Variants in ZPLD1 observed in about 807,000 individuals in gnomAD.
ZPLD1 encodes zona pellucida like domain containing 1, also known as zona pellucida-like domain-containing protein 1.
ZPLD1 carries 34 observed loss-of-function variants against 47.2 expected under a neutral mutation model. The ratio of observed to expected loss-of-function variants is 0.72; its 90% confidence interval spans 0.55 to 0.96. The LOEUF is 0.96. ZPLD1 is among the 40% of genes least tolerant of loss of function. ZPLD1 has a pLI of 0.00. For synonymous variants in ZPLD1, 176 were observed against 186.2 expected (o/e 0.95, Z 0.45); for missense variants, 512 against 505.8 (o/e 1.01, Z -0.12).
At chr3:102,473,030 G>A (rs1204897476) in intron 10 of ZPLD1, among the ~76,000 whole-genome samples, 1 of 152,118 alleles carries the variant, frequency 6.6e-6, no homozygotes, top group South Asian at 2.1e-4. Flanking sequence ...GCAGGCAAGA[G>A]GGCATGTGCA....
rs150520546 is a variant in ZPLD1 at position 102,411,398 on chromosome 3, T to G, written c.-156-6662T>G. ...GTAAGCTGGGTAGGAATAAACTGTATTACTAAATTTGAGCTTTATAATTTT... is the reference window on the plus strand; with the variant it reads ...GTAAGCTGGGTAGGAATAAACTGTAGTACTAAATTTGAGCTTTATAATTTT... On this transcript the variant is annotated intron_variant, in intron 7 of 17. Coordinates refer to the ZPLD1 transcript ENST00000491959. Among the ~76,000 whole-genome samples the G allele has an allele frequency of 5.0e-3, 767 of 151,944 alleles. 9 individuals carry two copies. The highest frequency in any genetic ancestry group is 0.018 in the African/African-American group (735 of 41,522).
intron 6 of ZPLD1, among the ~76,000 whole-genome samples, chr3:102,388,098 G>A (rs1212453841): frequency 1.3e-5 from 2 of 151,966 alleles, no homozygotes; most frequent in African/African-American, 4.8e-5. Flanking sequence ...CTGACCTCGT[G>A]ATCCGCCCGC....
chr3:102,479,012 G>A lies in ZPLD1; in HGVS notation c.*1394G>A, dbSNP rs767794976. The A allele has an allele frequency of 6.6e-5, 10 of 152,138 alleles. No homozygotes were observed. The highest frequency in any genetic ancestry group is 2.4e-4 in the African/African-American group (10 of 41,432). The allele number at this position is 152,138 out of a possible 1,614,324, so 9.4% of individuals were successfully genotyped here. A position where few individuals can be genotyped will look rare whatever the true frequency, so the allele number is the denominator to read the frequency against. On this transcript the variant is annotated 3_prime_UTR_variant, in exon 12 of 12. Transcript: ENST00000466937. ...GCTTCAAAGGAAATGTCTACAATGT[G>A]AGTTAATAATTAAATCAATCCTCAA...
chr3:102,459,434 A>C (rs970163564), intron 6 of ZPLD1, among the ~76,000 whole-genome samples: 1 of 152,194 alleles, frequency 6.6e-6, no homozygotes, highest in African/African-American at 2.4e-5. Context: ...TCTCACTGAA[A>C]TAGCAGAAAA....
chr3:102,426,317 A>T (rs748647342), intron 8 of ZPLD1, among the ~76,000 whole-genome samples: 27 of 152,186 alleles, frequency 1.8e-4, no homozygotes, highest in Non-Finnish European at 3.2e-4. Flanking sequence ...CAGTAGTTTG[A>T]GACCAGCCTG....
chr3:102,462,215 G>T, intron 6 of ZPLD1, 66 bp from the exon 7 acceptor site: 1 of 976,754 alleles, frequency 1.0e-6, no homozygotes, highest in Non-Finnish European at 1.6e-6. Context: ...TAATATTGTT[G>T]TTTTAAGTAG....
chr3:102,450,204 T>C (rs1425977234), intron 3 of ZPLD1, among the ~76,000 whole-genome samples: 1 of 152,152 alleles, frequency 6.6e-6, no homozygotes, highest in Admixed American at 6.5e-5. Context: ...CACTGATACA[T>C]GTACTTTGTG....
intron 3 of ZPLD1, among the ~76,000 whole-genome samples, chr3:102,444,726 A>G (rs530919080): frequency 5.9e-5 from 9 of 152,330 alleles, no homozygotes; most frequent in Admixed American, 2.6e-4. Flanking sequence ...GAGATTTTCT[A>G]CCATGCCACA....
At chr3:102,426,066 G>T (rs1285306602) in intron 8 of ZPLD1, among the ~76,000 whole-genome samples, 1 of 150,828 alleles carries the variant, frequency 6.6e-6, no homozygotes, top group Non-Finnish European at 1.5e-5. Flanking sequence ...TACAAACATT[G>T]AAATAGTATA....
At chr3:102,422,057 A>T (rs1706886033) in intron 8 of ZPLD1, among the ~76,000 whole-genome samples, 1 of 152,078 alleles carries the variant, frequency 6.6e-6, no homozygotes, top group African/African-American at 2.4e-5. Flanking sequence ...GTAAAGCATT[A>T]TCTTGAGGAC....
chr3:102,432,551 A>G (rs1313598147), upstream of ZPLD1, among the ~76,000 whole-genome samples: 2 of 152,212 alleles, frequency 1.3e-5, no homozygotes, highest in Admixed American at 1.3e-4. Flanking sequence ...AGTTTGATAA[A>G]TTGTTGAGGT....
chr3:102,418,072 G>GAGC (rs1706830737), exon 8 of ZPLD1: 1 of 151,792 alleles, frequency 6.6e-6, no homozygotes. Context: ...ATTTCAAAAA[G>GAGC]AGCAGCTCTT....
chr3:102,468,951 C>A lies in ZPLD1; in HGVS notation c.762-13C>A. 1 of 1,604,724 alleles carries A rather than the reference C, an allele frequency of 6.2e-7. No homozygotes were observed. Among genetic ancestry groups the A allele is most frequent in the South Asian group, 1.1e-5 (1 of 89,354 alleles). ...TCCAGTGATGTCCTGTTTTCACGTT[C>A]CCTAAAATTTAGCTGTGACAAGGAC... On this transcript the variant is annotated splice_polypyrimidine_tract_variant and intron_variant, in intron 8 of 11. Transcript: ENST00000466937.
At chr3:102,459,436 A>G (rs1707472667) in intron 6 of ZPLD1, among the ~76,000 whole-genome samples, 2 of 152,218 alleles carry the variant, frequency 1.3e-5, no homozygotes, top group African/African-American at 4.8e-5. Flanking sequence ...TCACTGAAAT[A>G]GCAGAAAATC....
intron 6 of ZPLD1, among the ~76,000 whole-genome samples, chr3:102,458,866 G>T (rs1438242226): frequency 6.6e-6 from 1 of 152,014 alleles, no homozygotes; most frequent in South Asian, 2.1e-4. Context: ...GAGGCGGGTG[G>T]ATCACGAGGT....
chr3:102,457,811 C>T lies in ZPLD1; in HGVS notation c.540C>T (p.Asn180=), dbSNP rs1707441881. The T allele has an allele frequency of 6.2e-7, 1 of 1,613,910 alleles. No homozygotes were observed. The highest frequency in any genetic ancestry group is 1.3e-5 in the African/African-American group (1 of 75,008). Residue 180 remains asparagine (N), a synonymous_variant, in exon 6 of 12, where the codon AAC becomes AAT. Transcript: ENST00000466937. Reference sequence around the variant, plus strand: ...CAGCGGCTATTTCTGTGAGAGAGAACAATGGCACATTTGTCAGCACTTTGA... The same window carrying T: ...CAGCGGCTATTTCTGTGAGAGAGAATAATGGCACATTTGTCAGCACTTTGA... ...SSSAAISVRE[N]NGTFVSTLNL...
intron 3 of ZPLD1, among the ~76,000 whole-genome samples, chr3:102,443,009 A>G (rs1707204800): frequency 6.6e-6 from 1 of 152,216 alleles, no homozygotes; most frequent in Non-Finnish European, 1.5e-5. Flanking sequence ...AAAGTAAAAC[A>G]TACAGATGAA....
At chr3:102,393,935 A>T (rs1706529889) in intron 7 of ZPLD1, among the ~76,000 whole-genome samples, 1 of 152,188 alleles carries the variant, frequency 6.6e-6, no homozygotes, top group African/African-American at 2.4e-5. Flanking sequence ...GATAGGTTGA[A>T]AATTGCTGTG....
chr3:102,458,922 T>C (rs956232819), intron 6 of ZPLD1, among the ~76,000 whole-genome samples: 1 of 151,554 alleles, frequency 6.6e-6, no homozygotes. Flanking sequence ...ACCCTGTCTC[T>C]ACTAAAAAAT....
Sources: gnomAD v4.1 joint callset for allele counts (sites outside exome capture counted in the v4.1 genomes callset) on GRCh38, gnomAD v4.1.1 for gene constraint, MANE v1.5 for transcripts, NCBI Gene and HGNC (gene_info 2026-07-23, HGNC 2026-07-21) for gene names.